RASGRF1: variants seen among roughly 807,000 people sequenced by gnomAD.
RASGRF1 encodes ras-specific guanine nucleotide-releasing factor 1.
A neutral mutation model predicts 138.7 loss-of-function variants in RASGRF1; 40 were observed. The observed-to-expected ratio is 0.29, with a 90% CI of 0.22 to 0.38. RASGRF1 has a LOEUF of 0.38. RASGRF1 is among the 10% of genes least tolerant of loss of function. The pLI is 1.00. For missense variants in RASGRF1, 1,108 were observed against 1,650.4 expected (o/e 0.67, Z 5.69); for synonymous variants, 614 against 663.2 (o/e 0.93, Z 1.14).
Position 79,020,021 on chromosome 15 carries a change from C to T in RASGRF1, c.1606+20G>A. On this transcript the variant is annotated intron_variant, in intron 11 of 26. Coordinates refer to ENST00000558480, the MANE Select transcript of RASGRF1 (RefSeq NM_001145648.3). ...ATCTGTGCAAGCACACACATGCGCACATGCAGCTTTCACACTCACCTTCCT... is the reference window on the plus strand; with the variant it reads ...ATCTGTGCAAGCACACACATGCGCATATGCAGCTTTCACACTCACCTTCCT... 2 of 1,613,562 alleles carry T rather than the reference C, an allele frequency of 1.2e-6. No individual in the cohort carries two copies. Among genetic ancestry groups the T allele is most frequent in the Non-Finnish European group, 1.7e-6 (2 of 1,179,708 alleles).
chr15:79,066,736 C>G (rs2057685910), intron 1 of RASGRF1, among the ~76,000 whole-genome samples: 1 of 152,216 alleles, frequency 6.6e-6, no homozygotes, highest in Non-Finnish European at 1.5e-5. Context: ...CTGCTGGAAA[C>G]CTAACTGTGA....
chr15:79,011,093 T>C (rs1031603612), intron 13 of RASGRF1, among the ~76,000 whole-genome samples: 1 of 152,092 alleles, frequency 6.6e-6, no homozygotes, highest in Non-Finnish European at 1.5e-5. Flanking sequence ...TTTCTCCAGC[T>C]AGGCTATCCG....
intron 1 of RASGRF1, among the ~76,000 whole-genome samples, chr15:79,076,951 T>C (rs910801009): frequency 8.5e-5 from 13 of 152,114 alleles, no homozygotes; most frequent in Non-Finnish European, 1.5e-4. Context: ...AATTGGCTAA[T>C]AGCAAAAGCC....
chr15:78,981,024 G>T lies in RASGRF1; in HGVS notation c.3415-325C>A, dbSNP rs539298915. ...AGAAGGACTTAGTGGGTGACTCCCA[G>T]GAGCCTGCGCTCAGAGCAGGAAATG... On this transcript the variant is annotated intron_variant, in intron 23 of 26. Transcript: ENST00000558480. The T allele has an allele frequency of 7.5e-5, 18 of 239,600 alleles. No homozygotes were observed. In the East Asian group the frequency reaches 1.4e-3, roughly 19 times the overall value. The allele number at this position is 239,600 out of a possible 1,614,324, so 14.8% of individuals were successfully genotyped here. A position where few individuals can be genotyped will look rare whatever the true frequency, so the allele number is the denominator to read the frequency against.
At chr15:79,063,154 T>C (rs1731579163) in intron 2 of RASGRF1, among the ~76,000 whole-genome samples, 2 of 152,232 alleles carry the variant, frequency 1.3e-5, no homozygotes, top group African/African-American at 4.8e-5. Context: ...TACCTGTGCA[T>C]ATGTCTAATG....
intron 1 of RASGRF1, among the ~76,000 whole-genome samples, chr15:79,086,585 C>T (rs977327285): frequency 2.0e-5 from 3 of 151,730 alleles, no homozygotes; most frequent in African/African-American, 2.4e-5. Context: ...ACCCCCCCCC[C>T]CCAGCTTCTG....
chr15:79,087,456 G>T (rs899470289), intron 1 of RASGRF1, among the ~76,000 whole-genome samples: 2 of 152,228 alleles, frequency 1.3e-5, no homozygotes, highest in African/African-American at 4.8e-5. Flanking sequence ...GAAGCTGTCT[G>T]CTTGGACATT....
chr15:79,009,886 A>G (rs578140180), intron 13 of RASGRF1, among the ~76,000 whole-genome samples: 2 of 151,718 alleles, frequency 1.3e-5, no homozygotes, highest in East Asian at 3.9e-4. Context: ...CACCACACCC[A>G]GCTAATTTTT....
intron 22 of RASGRF1, among the ~76,000 whole-genome samples, chr15:78,986,710 C>T (rs549442924): frequency 2.0e-5 from 3 of 151,846 alleles, no homozygotes; most frequent in South Asian, 4.2e-4. Flanking sequence ...TTAAAAAAGG[C>T]GATAAAAGGA....
At chr15:79,001,869 A>G (rs930411778) in intron 15 of RASGRF1, 82 bp from the exon 16 acceptor site, 30 of 1,023,064 alleles carry the variant, frequency 2.9e-5, no homozygotes, top group Middle Eastern at 3.6e-4. Flanking sequence ...ATTTATGTCT[A>G]TAATTTACTG....
intron 1 of RASGRF1, among the ~76,000 whole-genome samples, chr15:79,082,025 C>T (rs1162722363): frequency 2.0e-5 from 3 of 152,200 alleles, no homozygotes; most frequent in Non-Finnish European, 4.4e-5. Context: ...CTTACACTCA[C>T]ACCACATACT....
chr15:79,044,474 G>A (rs965136096), intron 5 of RASGRF1, among the ~76,000 whole-genome samples: 2 of 152,182 alleles, frequency 1.3e-5, no homozygotes, highest in Non-Finnish European at 2.9e-5. Context: ...AACCCAGCAC[G>A]CAGGGAGGCA....
rs1236925476 is a variant in RASGRF1 at position 79,006,393 on chromosome 15, A to C, written c.1868T>G (p.Phe623Cys). 2 of 1,614,064 alleles carry C rather than the reference A, an allele frequency of 1.2e-6. No individual in the cohort carries two copies. The highest frequency in any genetic ancestry group is 4.5e-5 in the East Asian group (2 of 44,874). The stretch of plus-strand genomic sequence containing the variant: ...TTTGCAGGAGTTCATGGTTTTGCTG[A>C]AGCGAATGTCAACATCATCACAATA... ...SLYCDDVDIR[F>C]SKTMNSCKVL... is the part of the protein sequence containing the mutation. The change falls in exon 14 of 27, where the codon TTC (phenylalanine) becomes TGC (cysteine). Residue 623 changes from phenylalanine to cysteine, a missense_variant. Around this residue, in one of 3 missense-constraint regions of RASGRF1, gnomAD observed 686 missense variants for 976.7 expected, o/e 0.70. Coordinates refer to ENST00000558480, the MANE Select transcript of RASGRF1 (RefSeq NM_001145648.3). The surrounding 1 kb of genome is among the most constrained non-coding windows in gnomAD (Gnocchi z 4.0).
Position 79,032,212 on chromosome 15 carries a change from C to T in RASGRF1, c.1063G>A (p.Asp355Asn). 1 of 1,614,122 alleles carries T rather than the reference C, an allele frequency of 6.2e-7. No homozygotes were observed. The highest frequency in any genetic ancestry group is 8.5e-7 in the Non-Finnish European group (1 of 1,179,984). ...TAGTGCTTCAGCAGCTTGTCGAAGTCACGGTTCTGCTTGCAGTGGGCCAGG... is the reference window on the plus strand; with the variant it reads ...TAGTGCTTCAGCAGCTTGTCGAAGTTACGGTTCTGCTTGCAGTGGGCCAGG... ...QILAHCKQNR[D>N]FDKLLKHYEA... Residue 355 changes from aspartate to asparagine, a missense_variant, in exon 7 of 27, where the codon GAC becomes AAC. Asp to Asn is a conservative substitution (Grantham distance 23). Transcript: ENST00000558480. The surrounding 1 kb of genome is among the most constrained non-coding windows in gnomAD (Gnocchi z 4.5).
intron 26 of RASGRF1, among the ~76,000 whole-genome samples, chr15:78,965,795 G>A (rs1243569322): frequency 1.3e-5 from 2 of 152,238 alleles, no homozygotes; most frequent in Non-Finnish European, 2.9e-5. Context: ...AAGTTGCAGT[G>A]AGCCGAGATC....
At position 78,990,170 on chromosome 15, in the gene RASGRF1, C is replaced by A. The variant is rs751122355; in HGVS notation, c.3216+19G>T. The A allele has an allele frequency of 2.5e-5, 38 of 1,549,586 alleles. No individual in the cohort carries two copies. Among genetic ancestry groups the A allele is most frequent in the Non-Finnish European group, 3.2e-5 (36 of 1,121,314 alleles). ...CAAAGAAAAACCCCAGTGAGAGAGGCGCTCCCATCCATACTCACGTCATTG... is the reference window on the plus strand; with the variant it reads ...CAAAGAAAAACCCCAGTGAGAGAGGAGCTCCCATCCATACTCACGTCATTG... On this transcript the variant is annotated intron_variant, in intron 22 of 26. Transcript: ENST00000558480.
chr15:79,027,754 G>A lies in RASGRF1; in HGVS notation c.1368C>T (p.Thr456=), dbSNP rs749734458. 1 of 1,614,094 alleles carries A rather than the reference G, an allele frequency of 6.2e-7. No individual in the cohort carries two copies. Among genetic ancestry groups the A allele is most frequent in the Non-Finnish European group, 8.5e-7 (1 of 1,180,038 alleles). ...CAGAGGCCATACCTTGTCTCACAAA[G>A]GTCTGGCTGGTGTCCAGGAGGATCT... The part of the protein sequence containing the change: ...GCEILLDTSQ[T]FVRQGSLIQV... Residue 456 remains threonine, a synonymous_variant, in exon 9 of 27, where the codon ACC becomes ACT. Coordinates refer to ENST00000558480, the MANE Select transcript of RASGRF1 (RefSeq NM_001145648.3). The surrounding 1 kb of genome is among the most constrained non-coding windows in gnomAD (Gnocchi z 4.8).
chr15:79,057,227 G>A (rs1482832956), intron 3 of RASGRF1, among the ~76,000 whole-genome samples: 1 of 150,970 alleles, frequency 6.6e-6, no homozygotes, highest in East Asian at 1.9e-4. Context: ...CATCCCTGCT[G>A]CAGGCTGGCA....
At chr15:79,033,831 C>A (rs1168675370) in intron 6 of RASGRF1, among the ~76,000 whole-genome samples, 1 of 152,078 alleles carries the variant, frequency 6.6e-6, no homozygotes, top group African/African-American at 2.4e-5. Flanking sequence ...CTCAGGTGAT[C>A]TGCCTGCCTC....
Sources: allele counts gnomAD v4.1 joint callset (sites outside exome capture counted in the v4.1 genomes callset), GRCh38; gene constraint gnomAD v4.1.1; regional missense constraint gnomAD v4.1.1; non-coding constraint Gnocchi (gnomAD v3.1); transcripts MANE v1.5; gene names NCBI Gene and HGNC (gene_info 2026-07-23, HGNC 2026-07-21).